Variants in ZNF721 observed in about 807,000 individuals in gnomAD.
ZNF721 encodes zinc finger protein 721.
In ZNF721, 2 loss-of-function variants were observed where a neutral mutation model predicts 2.4. The observed-to-expected ratio is 0.82, with a 90% confidence interval of 0.34 to 2.58. The LOEUF (loss-of-function observed/expected upper bound fraction) is 2.58. Among genes scored for constraint, ZNF721 ranks in the 30% most tolerant of loss-of-function variants. The pLI, the probability that ZNF721 is intolerant of heterozygous loss-of-function variation, is 0.11. For synonymous variants in ZNF721, 398 were observed against 381.8 expected (o/e 1.04, Z -0.50); for missense variants, 1,187 against 1,085.5 (o/e 1.09, Z -1.31).
intron 2 of ZNF721, among the ~76,000 whole-genome samples, chr4:462,461 A>G (rs1553866229): frequency 6.6e-6 from 1 of 152,224 alleles, no homozygotes; most frequent in Non-Finnish European, 1.5e-5. Context: ...CCTAAGCAGA[A>G]AGAACAAAGC....
chr4:458,801 G>A (rs1454522427), intron 2 of ZNF721, among the ~76,000 whole-genome samples: 1 of 152,030 alleles, frequency 6.6e-6, no homozygotes, highest in African/African-American at 2.4e-5. Context: ...AGCTGAGATT[G>A]CGCCACTGCA....
intron 2 of ZNF721, among the ~76,000 whole-genome samples, chr4:449,201 A>G (rs1239398672): frequency 2.0e-5 from 3 of 152,158 alleles, no homozygotes; most frequent in Non-Finnish European, 2.9e-5. Context: ...ATATGATTGT[A>G]AAGTTTCAGC....
intron 1 of ZNF721, among the ~76,000 whole-genome samples, 158 bp downstream of exon 1, chr4:498,898 G>T (rs890562001): frequency 1.3e-5 from 2 of 151,858 alleles, no homozygotes; most frequent in Non-Finnish European, 2.9e-5. Flanking sequence ...CTAATTTTTT[G>T]TATTTTTAGT....
intron 1 of ZNF721, among the ~76,000 whole-genome samples, chr4:475,995 C>T (rs1715615375): frequency 6.6e-6 from 1 of 152,198 alleles, no homozygotes; most frequent in Non-Finnish European, 1.5e-5. Context: ...ATTATTGATA[C>T]TTCTCAAACT....
At chr4:465,600 T>A (rs1553866659) in intron 2 of ZNF721, among the ~76,000 whole-genome samples, 2 of 151,784 alleles carry the variant, frequency 1.3e-5, no homozygotes, top group Non-Finnish European at 2.9e-5. Flanking sequence ...CCCGGCTAAT[T>A]TTTTTGTATT....
intron 1 of ZNF721, among the ~76,000 whole-genome samples, chr4:497,371 C>A (rs1051630422): frequency 3.9e-5 from 6 of 152,046 alleles, no homozygotes; most frequent in Non-Finnish European, 7.4e-5. Flanking sequence ...GATCAATAGG[C>A]GAACTGCTGC....
intron 1 of ZNF721, among the ~76,000 whole-genome samples, chr4:494,412 T>G (rs1447750061): frequency 6.6e-6 from 1 of 152,012 alleles, no homozygotes; most frequent in Non-Finnish European, 1.5e-5. Flanking sequence ...GGTCTCGATC[T>G]CCCGACCTCG....
At chr4:482,729 T>A (rs1553869730) in intron 1 of ZNF721, among the ~76,000 whole-genome samples, 1 of 147,818 alleles carries the variant, frequency 6.8e-6, no homozygotes, top group Non-Finnish European at 1.5e-5. Context: ...TCTCTTGACC[T>A]CGGGATCTAC....
At chr4:479,226 A>G (rs989477816) in intron 1 of ZNF721, among the ~76,000 whole-genome samples, 4 of 151,972 alleles carry the variant, frequency 2.6e-5, no homozygotes, top group Non-Finnish European at 5.9e-5. Flanking sequence ...ATGTGTTTAG[A>G]TCTCCCCCTG....
At chr4:491,565 C>G (rs559368606) in intron 1 of ZNF721, among the ~76,000 whole-genome samples, 1 of 152,324 alleles carries the variant, frequency 6.6e-6, no homozygotes, top group Admixed American at 6.5e-5. Flanking sequence ...ATACAGGCAA[C>G]AGGTAGAGCA....
At chr4:446,545 T>C (rs1553864200) in intron 2 of ZNF721, among the ~76,000 whole-genome samples, 1 of 152,034 alleles carries the variant, frequency 6.6e-6, no homozygotes, top group Non-Finnish European at 1.5e-5. Flanking sequence ...CATGCTCTTC[T>C]ACTTTTTGTA....
intron 1 of ZNF721, among the ~76,000 whole-genome samples, chr4:495,006 C>T (rs1166131960): frequency 2.6e-5 from 4 of 151,730 alleles, no homozygotes; most frequent in Non-Finnish European, 5.9e-5. Flanking sequence ...CCTCAGCCTC[C>T]GGAGTAGCTG....
chr4:448,436 C>A (rs1204986051), intron 2 of ZNF721, among the ~76,000 whole-genome samples: 1 of 138,850 alleles, frequency 7.2e-6, no homozygotes, highest in East Asian at 2.0e-4. Flanking sequence ...AATCCGTATC[C>A]CCCCCCAAAA....
intron 2 of ZNF721, among the ~76,000 whole-genome samples, chr4:464,075 C>A (rs1379136931): frequency 1.3e-5 from 2 of 151,850 alleles, no homozygotes; most frequent in Admixed American, 6.6e-5. Flanking sequence ...AAGAAGGAAC[C>A]AAGGAGATAT....
At chr4:488,800 G>T (rs61793731) in intron 1 of ZNF721, among the ~76,000 whole-genome samples, 1 of 151,780 alleles carries the variant, frequency 6.6e-6, no homozygotes, top group Admixed American at 6.6e-5. Flanking sequence ...ACTGCATTCC[G>T]GCCTGGCAAC....
rs372385747 is a variant in ZNF721 at position 442,420 on chromosome 4, C to T, written c.2047G>A (p.Ala683Thr). ...ECGKAFGWSI[A>T]LNQHKKIHTG... ...TGAATTTTCTTGTGTTGATTCAGGGCTATGGACCATCCAAAGGCTTTGCCA... is the reference window on the plus strand; with the variant it reads ...TGAATTTTCTTGTGTTGATTCAGGGTTATGGACCATCCAAAGGCTTTGCCA... The change falls in exon 3 of 3, where the codon GCC becomes ACC. Residue 683 changes from alanine (A) to threonine (T), a missense_variant. Coordinates refer to ENST00000511833, the MANE Select transcript of ZNF721 (RefSeq NM_133474.4). 13 of 1,612,370 alleles carry T rather than the reference C, an allele frequency of 8.1e-6. No individual in the cohort carries two copies. The highest frequency in any genetic ancestry group is 1.7e-5 in the Admixed American group (1 of 59,886).
Position 442,801 on chromosome 4 carries a change from G to T in ZNF721, c.1666C>A (p.Pro556Thr), listed in dbSNP as rs1296848804. The T allele has an allele frequency of 3.1e-6, 5 of 1,613,992 alleles. No homozygotes were observed. The highest frequency in any genetic ancestry group is 4.2e-6 in the Non-Finnish European group (5 of 1,179,966). Residue 556 changes from proline to threonine, a missense_variant, in exon 3 of 3, where the codon CCC (proline) becomes ACC (threonine). Coordinates refer to ENST00000511833, the MANE Select transcript of ZNF721 (RefSeq NM_133474.4). Reference sequence around the variant, plus strand: ...TTGCCACATTCTTCACATGTGTAGGGTTTCTCTCCAGTATGAATTCTCCTA... The same window carrying T: ...TTGCCACATTCTTCACATGTGTAGGTTTTCTCTCCAGTATGAATTCTCCTA... ...VHRRIHTGEK[P>T]YTCEECGKTF...
At chr4:475,429 ATCTCTC>A (rs1324231145) in intron 1 of ZNF721, among the ~76,000 whole-genome samples, 1 of 151,526 alleles carries the variant, frequency 6.6e-6, no homozygotes, top group Non-Finnish European at 1.5e-5. Context: ...CTGAGTATTG[ATCTCTC>A]TCTCTAATAC....
chr4:488,705 C>G (rs1203074073), intron 1 of ZNF721, among the ~76,000 whole-genome samples: 4 of 152,000 alleles, frequency 2.6e-5, no homozygotes, highest in Non-Finnish European at 5.9e-5. Context: ...TGGTACACAC[C>G]CATAATCCCA....
Sources: allele counts gnomAD v4.1 joint callset (sites outside exome capture counted in the v4.1 genomes callset), GRCh38; gene constraint gnomAD v4.1.1; transcripts MANE v1.5; gene names NCBI Gene and HGNC (gene_info 2026-07-23, HGNC 2026-07-21).